The following ARID1B variants were observed in gnomAD, a reference collection of about 807,000 sequenced individuals.
ARID1B encodes AT-rich interactive domain-containing protein 1B.
ARID1B carries 30 observed loss-of-function variants against 212.3 expected under a neutral mutation model. The observed-to-expected ratio is 0.14, with a 90% CI of 0.11 to 0.19. The LOEUF (loss-of-function observed/expected upper bound fraction) is 0.19, where lower values mean the gene tolerates loss of function less well. Among genes scored for constraint, ARID1B ranks in the 10% least tolerant of loss-of-function variants. The pLI is 1.00. For missense variants in ARID1B, 2,891 were observed against 3,204.0 expected (o/e 0.90, Z 2.36); for synonymous variants, 1,402 against 1,301.7 (o/e 1.08, Z -1.66).
chr6:157,090,984 C>G (rs1369925978), intron 5 of ARID1B, among the ~76,000 whole-genome samples: 1 of 152,202 alleles, frequency 6.6e-6, no homozygotes, highest in Non-Finnish European at 1.5e-5. Context: ...TAGCCTCTTC[C>G]AGGAGCCCCT....
intron 4 of ARID1B, among the ~76,000 whole-genome samples, chr6:156,977,801 A>G (rs188418665): frequency 2.1e-3 from 315 of 152,278 alleles, no homozygotes; most frequent in Non-Finnish European, 3.4e-3. Context: ...TCCTATAAAC[A>G]TCCTTGAACT....
chr6:157,100,832 A>G (rs1229888390), intron 5 of ARID1B, among the ~76,000 whole-genome samples: 1 of 152,182 alleles, frequency 6.6e-6, no homozygotes, highest in African/African-American at 2.4e-5. Flanking sequence ...TTATATTGTC[A>G]TTTATCATGG....
chr6:157,149,151 A>G (rs1030539361), intron 8 of ARID1B, 200 bp downstream of exon 8: 2 of 607,312 alleles, frequency 3.3e-6, no homozygotes. Context: ...TTTATGATAC[A>G]TGAGGAAGGA....
chr6:156,880,060 A>G (rs1176813776), intron 2 of ARID1B, among the ~76,000 whole-genome samples: 1 of 152,152 alleles, frequency 6.6e-6, no homozygotes, highest in Non-Finnish European at 1.5e-5. Context: ...CCCTGATGGT[A>G]TATTTGAGTT....
intron 2 of ARID1B, among the ~76,000 whole-genome samples, chr6:156,833,634 G>A (rs990334558): frequency 4.6e-5 from 7 of 152,118 alleles, no homozygotes; most frequent in Admixed American, 1.3e-4. Flanking sequence ...CATGTATTGC[G>A]AAGAACTTTA....
At chr6:157,063,557 C>T (rs1313744968) in intron 4 of ARID1B, among the ~76,000 whole-genome samples, 1 of 152,020 alleles carries the variant, frequency 6.6e-6, no homozygotes, top group Non-Finnish European at 1.5e-5. Context: ...TTCTATTATA[C>T]CATAAGAATT....
At chr6:157,039,596 T>C (rs1212377958) in intron 4 of ARID1B, among the ~76,000 whole-genome samples, 2 of 151,998 alleles carry the variant, frequency 1.3e-5, no homozygotes, top group African/African-American at 2.4e-5. Context: ...AAGTATATTT[T>C]TGAATTCCAA....
chr6:157,033,966 G>A (rs1781168827), intron 4 of ARID1B, among the ~76,000 whole-genome samples: 1 of 152,026 alleles, frequency 6.6e-6, no homozygotes, highest in Non-Finnish European at 1.5e-5. Context: ...TCTCATCAGA[G>A]TATTCAAATT....
At chr6:157,136,986 T>C (rs557655612) in intron 7 of ARID1B, among the ~76,000 whole-genome samples, 3 of 152,302 alleles carry the variant, frequency 2.0e-5, no homozygotes, top group African/African-American at 7.2e-5. Context: ...GAGACCAGCC[T>C]GGGCAACATG....
At chr6:157,143,528 C>T (rs1032590313) in intron 7 of ARID1B, among the ~76,000 whole-genome samples, 4 of 151,902 alleles carry the variant, frequency 2.6e-5, no homozygotes, top group Non-Finnish European at 5.9e-5. Context: ...CCATTGATGA[C>T]GATGGCAGCT....
chr6:156,998,425 G>A (rs1562537820), intron 4 of ARID1B, among the ~76,000 whole-genome samples: 2 of 152,072 alleles, frequency 1.3e-5, no homozygotes, highest in African/African-American at 2.4e-5. Context: ...GGGTTTCACC[G>A]TGTTAGCCAG....
chr6:157,153,917 G>A (rs1264807956), intron 8 of ARID1B, among the ~76,000 whole-genome samples: 1 of 152,210 alleles, frequency 6.6e-6, no homozygotes, highest in African/African-American at 2.4e-5. Flanking sequence ...TGGGATTACA[G>A]GCGTGAGCCA....
At chr6:156,901,852 T>G in intron 3 of ARID1B, 1 of 327,598 alleles carries the variant, frequency 3.1e-6, no homozygotes. Flanking sequence ...TAAGGCTTAT[T>G]CAGGAGAAGG....
chr6:157,010,632 TTGC>T (rs1285810043), intron 4 of ARID1B, among the ~76,000 whole-genome samples: 48 of 132,122 alleles, frequency 3.6e-4, no homozygotes, highest in African/African-American at 1.2e-3. Flanking sequence ...TTTTTTTTTT[TTGC>T]TTTGTTTTGT....
chr6:157,134,635 C>T (rs1788792782), intron 7 of ARID1B, among the ~76,000 whole-genome samples: 1 of 152,204 alleles, frequency 6.6e-6, no homozygotes, highest in African/African-American at 2.4e-5. Context: ...TGCCCGGTAA[C>T]TATGACATGT....
At position 157,156,590 on chromosome 6, in the gene ARID1B, G is replaced by A. The variant is rs560351238; in HGVS notation, c.3089+7639G>A. On this transcript the variant is annotated intron_variant, in intron 8 of 19. Coordinates refer to ENST00000636930, the MANE Select transcript of ARID1B (RefSeq NM_001374828.1). ...GAGCCAAGGAATCACAGCATGAACT[G>A]TGCAGCAGACCTGGGAGGGACCGGA... 2.6e-5 allele frequency among the ~76,000 whole-genome samples: 4 copies of A among 152,304 alleles called. No homozygotes were observed. The East Asian group carries it at 7.7e-4, about 29-fold the overall frequency.
At chr6:156,916,218 TG>T (rs939753081) in intron 3 of ARID1B, among the ~76,000 whole-genome samples, 30 of 152,188 alleles carry the variant, frequency 2.0e-4, no homozygotes, top group African/African-American at 7.2e-4. Flanking sequence ...CTGCTGACAC[TG>T]CGGCTCCATG....
intron 2 of ARID1B, among the ~76,000 whole-genome samples, chr6:156,856,712 A>T (rs879887382): frequency 0.3 from 27,103 of 90,194 alleles, 2,653 homozygotes; most frequent in Non-Finnish European, 0.32. Flanking sequence ...ACACACACAC[A>T]CACACACACA....
chr6:156,946,403 A>G (rs2128296611), intron 4 of ARID1B, among the ~76,000 whole-genome samples: 1 of 152,072 alleles, frequency 6.6e-6, no homozygotes, highest in South Asian at 2.1e-4. Flanking sequence ...AAATAAATAA[A>G]TAAATATGCC....
Sources: allele counts gnomAD v4.1 joint callset (sites outside exome capture counted in the v4.1 genomes callset), GRCh38; gene constraint gnomAD v4.1.1; transcripts MANE v1.5; gene names NCBI Gene and HGNC (gene_info 2026-07-23, HGNC 2026-07-21).